Variants in AIG1 observed in about 807,000 individuals in gnomAD.
The protein encoded by AIG1 is androgen-induced gene 1 protein.
Under a neutral mutation model 31.4 loss-of-function variants are expected in AIG1, and 23 were observed. The ratio of observed to expected loss-of-function variants is 0.73; its 90% CI spans 0.53 to 1.04. AIG1 has a LOEUF of 1.04. Among genes scored for constraint, AIG1 ranks in the 50% least tolerant of loss-of-function variants. The pLI, the probability that AIG1 is intolerant of heterozygous loss-of-function variation, is 0.00. For synonymous variants in AIG1, 100 were observed against 110.5 expected (o/e 0.90, Z 0.60); for missense variants, 274 against 295.0 (o/e 0.93, Z 0.52).
At chr6:143,204,649 G>A (rs1204373670) in intron 3 of AIG1, among the ~76,000 whole-genome samples, 3 of 152,134 alleles carry the variant, frequency 2.0e-5, no homozygotes, top group Non-Finnish European at 2.9e-5. Flanking sequence ...AGTGGAAGGA[G>A]TAGCAAAGAA....
At chr6:143,319,078 A>G (rs1775993153) in intron 4 of AIG1, among the ~76,000 whole-genome samples, 1 of 152,216 alleles carries the variant, frequency 6.6e-6, no homozygotes, top group Non-Finnish European at 1.5e-5. Context: ...GATTCTTTAA[A>G]GAACTAAAAG....
chr6:143,163,979 C>T (rs1326626663), intron 2 of AIG1, among the ~76,000 whole-genome samples: 2 of 152,180 alleles, frequency 1.3e-5, no homozygotes, highest in African/African-American at 4.8e-5. Context: ...TCACCTTTTA[C>T]TGCCTCTACC....
At chr6:143,276,088 G>A (rs1442845884) in intron 3 of AIG1, among the ~76,000 whole-genome samples, 1 of 152,158 alleles carries the variant, frequency 6.6e-6, no homozygotes, top group Non-Finnish European at 1.5e-5. Flanking sequence ...TTCAGCAAGA[G>A]ATAGTTACTG....
rs1339760386 is a variant in AIG1, at chr6:143,329,544, C to T, written c.516-3738C>T. ...TTCATACAATAGTACGATGAGAATG[C>T]CATGCTATATCTAGAATTGCTGAGA... On this transcript the variant is annotated intron_variant, in intron 4 of 5. Coordinates refer to ENST00000357847, the MANE Select transcript of AIG1 (RefSeq NM_016108.4). This position sits in a 1 kb window ranked among gnomAD's most constrained non-coding sequence, Gnocchi z 4.9. Among the ~76,000 whole-genome samples the T allele has an allele frequency of 6.6e-6, 1 of 152,130 alleles. No homozygotes were observed. The highest frequency in any genetic ancestry group is 1.5e-5 in the Non-Finnish European group (1 of 68,032).
intron 1 of AIG1, among the ~76,000 whole-genome samples, chr6:143,104,015 G>T (rs142647933): frequency 8.1e-4 from 124 of 152,304 alleles, no homozygotes; most frequent in African/African-American, 2.9e-3. Context: ...GGTGACAATA[G>T]TGGTGGGGAT....
At chr6:143,153,471 C>G (rs955893895) in intron 2 of AIG1, among the ~76,000 whole-genome samples, 4 of 152,140 alleles carry the variant, frequency 2.6e-5, no homozygotes, top group African/African-American at 9.7e-5. Flanking sequence ...CCTCAGCCTC[C>G]CGAGTAGCTG....
chr6:143,233,091 G>C (rs1305050711), intron 3 of AIG1, among the ~76,000 whole-genome samples: 2 of 152,054 alleles, frequency 1.3e-5, no homozygotes, highest in Non-Finnish European at 2.9e-5. Flanking sequence ...TGATATCCAT[G>C]AGTCTCACTT....
At position 143,339,754 on chromosome 6, in the gene AIG1, A is replaced by T; in HGVS notation, c.*78A>T. 1.0e-5 allele frequency: 15 copies of T among 1,503,964 alleles called. No homozygotes were observed. Among genetic ancestry groups the T allele is most frequent in the Non-Finnish European group, 1.4e-5 (15 of 1,097,542 alleles). 93.2% of individuals were successfully genotyped at this position (1,503,964 alleles called of 1,614,324 possible). A position where few individuals can be genotyped will look rare whatever the true frequency, so the allele number is the denominator to read the frequency against. ...CCCTCGGGCATTGGCAGTGGGGGAG[A>T]AAAGGCTTCAAAGGAACTTGGTGGC... On this transcript the variant is annotated 3_prime_UTR_variant, in exon 6 of 6. Transcript: ENST00000357847.
intron 3 of AIG1, among the ~76,000 whole-genome samples, chr6:143,169,903 A>G (rs1172535608): frequency 1.3e-5 from 2 of 152,078 alleles, no homozygotes; most frequent in Non-Finnish European, 2.9e-5. Flanking sequence ...AGATGTATCA[A>G]ATTTATTCAT....
intron 3 of AIG1, among the ~76,000 whole-genome samples, chr6:143,169,741 T>C (rs955266577): frequency 9.2e-5 from 14 of 152,210 alleles, no homozygotes; most frequent in African/African-American, 3.1e-4. Context: ...AGCTGTGGGT[T>C]TGTCATATAT....
chr6:143,131,879 G>A (rs1262437024), intron 1 of AIG1, among the ~76,000 whole-genome samples: 4 of 152,132 alleles, frequency 2.6e-5, no homozygotes, highest in African/African-American at 9.7e-5. Context: ...CTAAGTTTGT[G>A]GTAACTTGTT....
At chr6:143,096,151 C>T (rs1583162119) in intron 1 of AIG1, among the ~76,000 whole-genome samples, 1 of 152,072 alleles carries the variant, frequency 6.6e-6, no homozygotes, top group Non-Finnish European at 1.5e-5. Flanking sequence ...TGGAATTTGC[C>T]TGCTTTGGCC....
At chr6:143,143,189 A>G (rs1784379266) in intron 2 of AIG1, among the ~76,000 whole-genome samples, 1 of 152,052 alleles carries the variant, frequency 6.6e-6, no homozygotes, top group African/African-American at 2.4e-5. Context: ...CTGTTTTGAT[A>G]TTAAGGGGGA....
intron 3 of AIG1, among the ~76,000 whole-genome samples, chr6:143,191,756 A>G (rs1789810536): frequency 6.6e-6 from 1 of 152,172 alleles, no homozygotes; most frequent in Non-Finnish European, 1.5e-5. Flanking sequence ...AAAACATTTT[A>G]CTTTAGATTA....
chr6:143,264,780 A>G (rs1796038569), intron 3 of AIG1, among the ~76,000 whole-genome samples: 1 of 152,238 alleles, frequency 6.6e-6, no homozygotes. Flanking sequence ...GACCCAAAGC[A>G]TACTGCTCTC....
At chr6:143,147,899 C>T (rs556085190) in intron 2 of AIG1, among the ~76,000 whole-genome samples, 78 of 152,256 alleles carry the variant, frequency 5.1e-4, no homozygotes, top group African/African-American at 1.8e-3. Flanking sequence ...GTGGGCCAGG[C>T]ACTGTGCTAA....
chr6:143,306,544 CT>C (rs1486794931), intron 4 of AIG1, among the ~76,000 whole-genome samples: 1 of 152,234 alleles, frequency 6.6e-6, no homozygotes, highest in Non-Finnish European at 1.5e-5. Flanking sequence ...TCTCTTCTGG[CT>C]TGTAGAGTTT....
intron 5 of AIG1, 131 bp from the exon 6 acceptor site, chr6:143,339,508 G>A (rs1001371380): frequency 1.2e-6 from 1 of 829,290 alleles, no homozygotes; most frequent in Non-Finnish European, 1.9e-6. Flanking sequence ...AATAGGGGGT[G>A]TGTCAGGAGG....
intron 3 of AIG1, among the ~76,000 whole-genome samples, chr6:143,277,009 C>CA (rs541614416): frequency 8.3e-4 from 126 of 152,258 alleles, no homozygotes; most frequent in Non-Finnish European, 1.5e-3. Context: ...ATTCTTCGAA[C>CA]ATTTGACTTA....
Sources: allele counts gnomAD v4.1 joint callset (sites outside exome capture counted in the v4.1 genomes callset), GRCh38; gene constraint gnomAD v4.1.1; non-coding constraint Gnocchi (gnomAD v3.1); transcripts MANE v1.5; gene names NCBI Gene and HGNC (gene_info 2026-07-23, HGNC 2026-07-21).